The following ASXL3 variants were observed in gnomAD, a reference collection of about 807,000 sequenced individuals.
ASXL3 encodes putative Polycomb group protein ASXL3.
A neutral mutation model predicts 170.6 loss-of-function variants in ASXL3; 34 were observed. The ratio of observed to expected loss-of-function variants is 0.20; its 90% CI spans 0.15 to 0.27. The LOEUF is 0.27. Among genes scored for constraint, ASXL3 ranks in the 10% least tolerant of loss-of-function variants. The probability of loss-of-function intolerance (pLI) is 1.00; values close to 1 mark genes in which losing one functional copy is unlikely to be tolerated. For synonymous variants in ASXL3, 1,002 were observed against 989.1 expected (o/e 1.01, Z -0.24); for missense variants, 2,592 against 2,695.3 (o/e 0.96, Z 0.85).
intron 5 of ASXL3, among the ~76,000 whole-genome samples, chr18:33,666,386 A>G (rs2066256344): frequency 6.6e-6 from 1 of 152,160 alleles, no homozygotes; most frequent in Non-Finnish European, 1.5e-5. Flanking sequence ...TAGCTAATTA[A>G]GACTTTGATG....
Position 33,743,161 on chromosome 18 carries a change from C to G in ASXL3, c.3313C>G (p.Gln1105Glu). Reference protein sequence around the residue: ...KTRTLAHIKEQTKAKLFAKHQ... With the variant: ...KTRTLAHIKEETKAKLFAKHQ... ...GAGAACTCTGGCACACATCAAAGAG[C>G]AGACAAAGGCTAAGCTCTTTGCAAA... Residue 1105 changes from glutamine (Q) to glutamate (E), a missense_variant, in exon 12 of 12, where the codon CAG becomes GAG. Around this residue, in one of 4 missense-constraint regions of ASXL3, gnomAD observed 2,246 missense variants for 2,219.6 expected, o/e 1.01. Coordinates refer to ENST00000269197, the MANE Select transcript of ASXL3 (RefSeq NM_030632.3). 1 of 1,613,970 alleles carries G rather than the reference C, an allele frequency of 6.2e-7. No homozygotes were observed. Among genetic ancestry groups the G allele is most frequent in the Non-Finnish European group, 8.5e-7 (1 of 1,179,892 alleles).
chr18:33,714,723 C>T (rs1459280817), intron 8 of ASXL3, among the ~76,000 whole-genome samples: 1 of 151,976 alleles, frequency 6.6e-6, no homozygotes, highest in African/African-American at 2.4e-5. Context: ...TTCCACCAGG[C>T]CCCCAACTCT....
Position 33,723,542 on chromosome 18 carries a change from G to A in ASXL3, c.880-8426G>A, listed in dbSNP as rs116948836. ...CTTAGGATGAAACTTTCACAAGTGA[G>A]GGGTTGCTTCTTATGTGCAAAGAAA... On this transcript the variant is annotated intron_variant, in intron 8 of 11. Transcript: ENST00000269197. Among the ~76,000 whole-genome samples the A allele has an allele frequency of 3.1e-3, 477 of 152,264 alleles. 8 individuals carry two copies. The highest frequency in any genetic ancestry group is 0.023 in the East Asian group (118 of 5,160).
chr18:33,730,262 C>T (rs1220617942), intron 8 of ASXL3, among the ~76,000 whole-genome samples: 1 of 152,208 alleles, frequency 6.6e-6, no homozygotes, highest in South Asian at 2.1e-4. Flanking sequence ...TATCTGGCCC[C>T]AAATGACAAG....
intron 1 of ASXL3, among the ~76,000 whole-genome samples, chr18:33,585,474 C>T (rs547035938): frequency 1.3e-5 from 2 of 152,174 alleles, no homozygotes; most frequent in Non-Finnish European, 2.9e-5. Flanking sequence ...ATTTAGACAC[C>T]TACCTCTCCT....
intron 2 of ASXL3, chr18:33,616,571 C>T (rs370788027): frequency 2.0e-5 from 3 of 152,180 alleles, no homozygotes; most frequent in East Asian, 1.9e-4. Context: ...CTCTTAATTA[C>T]TATTAAGTCC....
chr18:33,680,527 C>A (rs1162935915), intron 7 of ASXL3, among the ~76,000 whole-genome samples: 1 of 151,972 alleles, frequency 6.6e-6, no homozygotes, highest in African/African-American at 2.4e-5. Context: ...TTATTTTGAT[C>A]CAATCTATCA....
At chr18:33,669,972 CA>C (rs541102421) in intron 5 of ASXL3, among the ~76,000 whole-genome samples, 34 of 152,288 alleles carry the variant, frequency 2.2e-4, no homozygotes, top group African/African-American at 7.7e-4. Context: ...ATTTATGAAA[CA>C]CAAAGTGCTC....
chr18:33,745,922 C>T lies in ASXL3; in HGVS notation c.6074C>T (p.Pro2025Leu). Residue 2025 changes from proline to leucine, a missense_variant, in exon 12 of 12, where the codon CCC (proline) becomes CTC (leucine). By Grantham distance (98) the Pro-to-Leu change is moderately conservative (BLOSUM62 -3). Around this residue, in one of 4 missense-constraint regions of ASXL3, gnomAD observed 2,246 missense variants for 2,219.6 expected, o/e 1.01. Coordinates refer to ENST00000269197, the MANE Select transcript of ASXL3 (RefSeq NM_030632.3). Reference protein sequence around the residue: ...VHPPPPPPPPPPPPLALPPPP... With the variant: ...VHPPPPPPPPLPPPLALPPPP... ...CCGCCGCCGCCACCGCCTCCCCCTC[C>T]CCCTCCACCCTTGGCTTTGCCCCCG... 6.4e-7 allele frequency: 1 copy of T among 1,553,616 alleles called. No homozygotes were observed. Among genetic ancestry groups the T allele is most frequent in the Non-Finnish European group, 8.7e-7 (1 of 1,148,988 alleles).
At chr18:33,609,867 G>A (rs1218053374) in intron 2 of ASXL3, among the ~76,000 whole-genome samples, 1 of 151,988 alleles carries the variant, frequency 6.6e-6, no homozygotes, top group Admixed American at 6.6e-5. Context: ...GCATCAAGTG[G>A]CCTCAGACTA....
chr18:33,637,508 C>G (rs973437773), intron 2 of ASXL3, among the ~76,000 whole-genome samples: 1 of 152,004 alleles, frequency 6.6e-6, no homozygotes, highest in African/African-American at 2.4e-5. Context: ...TTGACCATTG[C>G]TAATATGATG....
At position 33,739,319 on chromosome 18, in the gene ASXL3, T is replaced by A; in HGVS notation, c.1915T>A (p.Ser639Thr). 1 of 1,613,530 alleles carries A rather than the reference T, an allele frequency of 6.2e-7. No individual in the cohort carries two copies. Among genetic ancestry groups the A allele is most frequent in the Non-Finnish European group, 8.5e-7 (1 of 1,179,648 alleles). Residue 639 changes from serine to threonine, a missense_variant, in exon 11 of 12, where the codon TCA (serine) becomes ACA (threonine). Coordinates refer to ENST00000269197, the MANE Select transcript of ASXL3 (RefSeq NM_030632.3). The stretch of plus-strand genomic sequence containing the variant: ...GGAAACACAGTCCACATCAGAAGAA[T>A]CATGTACTCCAGCCTCCCTTGAGAC... ...GGETQSTSEE[S>T]CTPASLETTF...
chr18:33,626,455 T>C (rs1019655780), intron 2 of ASXL3, among the ~76,000 whole-genome samples: 15 of 152,104 alleles, frequency 9.9e-5, no homozygotes, highest in African/African-American at 3.6e-4. Flanking sequence ...TCAAGGCACA[T>C]TTTATAATAT....
At chr18:33,631,988 A>G (rs1353602163) in intron 2 of ASXL3, among the ~76,000 whole-genome samples, 2 of 152,148 alleles carry the variant, frequency 1.3e-5, no homozygotes, top group African/African-American at 4.8e-5. Flanking sequence ...AAAGTTTACA[A>G]AGTGCTTAGA....
At chr18:33,683,647 CTT>C in intron 8 of ASXL3, 79 bp downstream of exon 8, 1 of 1,339,184 alleles carries the variant, frequency 7.5e-7, no homozygotes, top group Non-Finnish European at 1.0e-6. Flanking sequence ...TCAAAGATGA[CTT>C]ATATATGGAT....
intron 1 of ASXL3, among the ~76,000 whole-genome samples, chr18:33,584,741 G>A (rs2145090547): frequency 6.6e-6 from 1 of 152,212 alleles, no homozygotes; most frequent in East Asian, 1.9e-4. Context: ...CCCAGTAACT[G>A]TCTCTGAGAG....
intron 4 of ASXL3, among the ~76,000 whole-genome samples, chr18:33,655,515 T>C (rs1459801040): frequency 1.3e-5 from 2 of 152,082 alleles, no homozygotes; most frequent in Non-Finnish European, 2.9e-5. Flanking sequence ...TGGCAACTTA[T>C]ATCCTTTGGA....
intron 8 of ASXL3, among the ~76,000 whole-genome samples, chr18:33,712,648 A>G (rs904433245): frequency 6.6e-6 from 1 of 152,176 alleles, no homozygotes; most frequent in Non-Finnish European, 1.5e-5. Flanking sequence ...TCAGAATACC[A>G]AGAAAGACTT....
At position 33,648,628 on chromosome 18, in the gene ASXL3, C is replaced by T. The variant is rs1324331354; in HGVS notation, c.355+2275C>T. Among the ~76,000 whole-genome samples, 4 of 151,704 alleles carry T rather than the reference C, an allele frequency of 2.6e-5. No homozygotes were observed. In the East Asian group the frequency reaches 7.8e-4, roughly 30 times the overall value. On this transcript the variant is annotated intron_variant, in intron 4 of 11. Transcript: ENST00000269197. ...CTTGGAGATACTGATTTGGAAGTGG[C>T]CAGTTTATAGATGGTAGTTAAAGAC...
Sources: gnomAD v4.1 joint callset for allele counts (sites outside exome capture counted in the v4.1 genomes callset) on GRCh38, gnomAD v4.1.1 for gene constraint, gnomAD v4.1.1 regional missense constraint, MANE v1.5 for transcripts, NCBI Gene and HGNC (gene_info 2026-07-23, HGNC 2026-07-21) for gene names.